CHST11: variants seen among roughly 807,000 people sequenced by gnomAD.
CHST11 encodes the protein C4S-1.
CHST11 carries 9 observed loss-of-function variants against 30.4 expected under a neutral mutation model. That is an observed-to-expected ratio of 0.30 (90% confidence interval 0.18 to 0.52). CHST11 has a LOEUF of 0.52. Ranked by LOEUF, CHST11 falls within the 20% of genes least tolerant of loss-of-function variation. The probability of loss-of-function intolerance (pLI) is 0.97; values close to 1 mark genes in which losing one functional copy is unlikely to be tolerated. For missense variants in CHST11, 348 were observed against 460.6 expected, an observed-to-expected ratio of 0.76 and a Z score of 2.24; for synonymous variants, 152 against 187.8, an observed-to-expected ratio of 0.81 and a Z score of 1.56.
chr12:104,563,634 T>C (rs1046958498), intron 1 of CHST11, among the ~76,000 whole-genome samples: 1 of 152,224 alleles, frequency 6.6e-6, no homozygotes, highest in African/African-American at 2.4e-5. Flanking sequence ...GCTTGTTTAA[T>C]AGCCTCGCAG....
intron 2 of CHST11, among the ~76,000 whole-genome samples, chr12:104,681,139 C>G (rs76785043): frequency 1.3e-5 from 2 of 152,212 alleles, no homozygotes; most frequent in African/African-American, 4.8e-5. Context: ...AGGTACAACA[C>G]TTCTCTAGTA....
chr12:104,490,765 T>C (rs1401669136), intron 1 of CHST11, among the ~76,000 whole-genome samples: 1 of 152,202 alleles, frequency 6.6e-6, no homozygotes, highest in African/African-American at 2.4e-5. Context: ...TTAAAAAAAG[T>C]CAGCGTGGCA....
intron 1 of CHST11, among the ~76,000 whole-genome samples, chr12:104,541,066 A>G (rs570565467): frequency 8.9e-4 from 136 of 152,254 alleles, no homozygotes; most frequent in Non-Finnish European, 1.3e-3. Context: ...GCTTGTAAGA[A>G]TAAGGATCAG....
chr12:104,731,999 A>G (rs1592863846), intron 2 of CHST11, among the ~76,000 whole-genome samples: 2 of 152,242 alleles, frequency 1.3e-5, no homozygotes, highest in East Asian at 1.9e-4. Context: ...GATGGCAGAA[A>G]GTCCACCCCA....
chr12:104,464,084 T>C (rs2135949813), intron 1 of CHST11, among the ~76,000 whole-genome samples: 1 of 151,450 alleles, frequency 6.6e-6, no homozygotes, highest in East Asian at 1.9e-4. Context: ...TTTTTTTTTT[T>C]TGAGGTGGAG....
intron 1 of CHST11, among the ~76,000 whole-genome samples, chr12:104,550,370 A>T (rs1334181366): frequency 6.6e-6 from 1 of 152,204 alleles, no homozygotes; most frequent in African/African-American, 2.4e-5. Context: ...CAGAATGGAA[A>T]ATGTCCTGCT....
In CHST11 at chr12:104,461,825, A is replaced by G. The variant is rs189165761; in HGVS notation, c.118+4296A>G. 6.8e-3 allele frequency among the ~76,000 whole-genome samples: 1,036 copies of G among 152,334 alleles called. 4 individuals carry two copies. The highest frequency in any genetic ancestry group is 0.012 in the Non-Finnish European group (810 of 68,046). ...TTGAACCTAAAATGCATTTTGTATT[A>G]TAATTTTAAACGAATTGTAAACATA... On this transcript the variant is annotated intron_variant, in intron 1 of 2. Transcript: ENST00000303694.
At chr12:104,645,568 T>C (rs1358777229) in intron 2 of CHST11, among the ~76,000 whole-genome samples, 1 of 152,148 alleles carries the variant, frequency 6.6e-6, no homozygotes, top group African/African-American at 2.4e-5. Context: ...GTTTGCTGTT[T>C]GTCTGCCTGG....
intron 2 of CHST11, among the ~76,000 whole-genome samples, chr12:104,609,800 A>G (rs1239593624): frequency 6.6e-6 from 1 of 152,200 alleles, no homozygotes; most frequent in Non-Finnish European, 1.5e-5. Context: ...GGAGTTAGGT[A>G]ACCTGGGCAT....
intron 2 of CHST11, among the ~76,000 whole-genome samples, chr12:104,650,587 A>C (rs1045679253): frequency 6.6e-6 from 1 of 151,178 alleles, no homozygotes; most frequent in African/African-American, 2.4e-5. Flanking sequence ...TGCGAGGGGG[A>C]GTGGGACACA....
intron 2 of CHST11, among the ~76,000 whole-genome samples, chr12:104,698,408 T>A (rs1032435679): frequency 6.6e-6 from 1 of 152,204 alleles, no homozygotes; most frequent in African/African-American, 2.4e-5. Flanking sequence ...GCTCAGTTCT[T>A]ACCCAGGGAG....
chr12:104,581,729 G>A (rs2038746270), intron 1 of CHST11, among the ~76,000 whole-genome samples: 1 of 152,200 alleles, frequency 6.6e-6, no homozygotes, highest in African/African-American at 2.4e-5. Context: ...GGCTGTGTGA[G>A]GAGTGGCTCG....
rs992306996 is a variant in CHST11, at chr12:104,590,953, A to G, written c.119-10953A>G. Among the ~76,000 whole-genome samples the G allele has an allele frequency of 6.3e-4, 95 of 151,008 alleles. 1 individual carries two copies. Among genetic ancestry groups the G allele is most frequent in the Admixed American group, 3.3e-4 (5 of 15,170 alleles). ...AAAAAAGAATATAGCAAAGAATGGG[A>G]GGAACAGGAGAGAGAGGAAGTGAGG... is the stretch of plus-strand genomic sequence containing the variant. On this transcript the variant is annotated intron_variant, in intron 1 of 2. Transcript: ENST00000303694.
At chr12:104,643,598 A>G (rs1342391550) in intron 2 of CHST11, among the ~76,000 whole-genome samples, 1 of 151,934 alleles carries the variant, frequency 6.6e-6, no homozygotes, top group Non-Finnish European at 1.5e-5. Flanking sequence ...GGGGATTTCC[A>G]TTTGAGGAAC....
At chr12:104,497,870 C>T (rs763363797) in intron 1 of CHST11, among the ~76,000 whole-genome samples, 2 of 151,088 alleles carry the variant, frequency 1.3e-5, no homozygotes, top group Non-Finnish European at 2.9e-5. Context: ...CTCAGGGTCC[C>T]GCTCCACCCT....
At chr12:104,501,103 T>C (rs2037849508) in intron 1 of CHST11, among the ~76,000 whole-genome samples, 1 of 152,160 alleles carries the variant, frequency 6.6e-6, no homozygotes. Flanking sequence ...TATCTAAGTT[T>C]TTCTGCCTTA....
At chr12:104,586,652 A>G (rs2038807285) in intron 1 of CHST11, among the ~76,000 whole-genome samples, 15 of 152,262 alleles carry the variant, frequency 9.9e-5, no homozygotes, top group Admixed American at 9.8e-4. Flanking sequence ...AGCGCCAGGC[A>G]GGGAAGAAAG....
chr12:104,738,876 C>A (rs2040324158), intron 2 of CHST11, among the ~76,000 whole-genome samples: 2 of 152,244 alleles, frequency 1.3e-5, no homozygotes, highest in African/African-American at 4.8e-5. Flanking sequence ...AACTGGGCTC[C>A]CCCAGCGCCT....
chr12:104,757,054 C>T lies in CHST11; in HGVS notation c.310C>T (p.Pro104Ser). 2 of 1,614,134 alleles carry T rather than the reference C, an allele frequency of 1.2e-6. No individual in the cohort carries two copies. Among genetic ancestry groups the T allele is most frequent in the Non-Finnish European group, 1.7e-6 (2 of 1,180,040 alleles). ...AAGCCGTAAGCGGAGGGTGCTGACC[C>T]CCAACGACCTGAAGCACTTGGTGGT... is the stretch of plus-strand genomic sequence containing the variant. Reference protein sequence around the residue: ...ATSRKRRVLTPNDLKHLVVDE... With the variant: ...ATSRKRRVLTSNDLKHLVVDE... Residue 104 changes from proline (P) to serine (S), a missense_variant, in exon 3 of 3, where the codon CCC becomes TCC. By Grantham distance (74) the Pro-to-Ser change is moderately conservative. Coordinates refer to ENST00000303694, the MANE Select transcript of CHST11 (RefSeq NM_018413.6). This position sits in a 1 kb window ranked among gnomAD's most constrained non-coding sequence, Gnocchi z 6.5.
Sources: gnomAD v4.1 joint callset for allele counts (sites outside exome capture counted in the v4.1 genomes callset) on GRCh38, gnomAD v4.1.1 for gene constraint, Gnocchi (gnomAD v3.1) non-coding constraint, MANE v1.5 for transcripts, NCBI Gene and HGNC (gene_info 2026-07-23, HGNC 2026-07-21) for gene names.